The following NLRP14 variants were observed in gnomAD, a reference collection of about 807,000 sequenced individuals.
NLRP14 encodes the protein NLR family pyrin domain containing 14.
Under a neutral mutation model 94.7 loss-of-function variants are expected in NLRP14, and 105 were observed. The ratio of observed to expected loss-of-function variants is 1.11; its 90% confidence interval spans 0.95 to 1.30. The LOEUF (loss-of-function observed/expected upper bound fraction) is 1.30, where lower values mean the gene tolerates loss of function less well. NLRP14 is among the 50% of genes most tolerant of loss of function. NLRP14 has a pLI of 0.00. For missense variants in NLRP14, 1,362 were observed against 1,254.1 expected (o/e 1.09, Z -1.30); for synonymous variants, 508 against 459.9 (o/e 1.10, Z -1.34).
intron 1 of NLRP14, among the ~76,000 whole-genome samples, chr11:7,025,165 G>A (rs1391723214): frequency 1.3e-5 from 2 of 152,130 alleles, no homozygotes; most frequent in Admixed American, 6.5e-5. Flanking sequence ...TCTATACTGT[G>A]AGGGTAAAGA....
chr11:7,040,841 A>G (rs2119607631), intron 3 of NLRP14, among the ~76,000 whole-genome samples: 1 of 152,326 alleles, frequency 6.6e-6, no homozygotes, highest in Non-Finnish European at 1.5e-5. Flanking sequence ...TTCAATATAA[A>G]GAAGTATATC....
At chr11:7,076,988 G>C in the NLRP14 span, among the ~76,000 whole-genome samples, 3 of 152,334 alleles carry the variant, frequency 2.0e-5, no homozygotes, top group East Asian at 5.8e-4. Flanking sequence ...AGGTGATCTT[G>C]TTATCATGGG....
At chr11:7,089,100 C>T in the NLRP14 span, 1 of 1,609,064 alleles carries the variant, frequency 6.2e-7, no homozygotes, top group Non-Finnish European at 8.5e-7. Flanking sequence ...CCGCCACTGA[C>T]CGACCGTTCG....
rs1034376751 is a variant in NLRP14, at chr11:7,024,169, A to G, written c.-22+3399A>G. 1.1e-4 allele frequency among the ~76,000 whole-genome samples: 17 copies of G among 152,232 alleles called. No homozygotes were observed. In the East Asian group the frequency reaches 3.1e-3, roughly 28 times the overall value. On this transcript the variant is annotated intron_variant, in intron 1 of 11. Coordinates refer to ENST00000299481, the MANE Select transcript of NLRP14 (RefSeq NM_176822.4). The stretch of plus-strand genomic sequence containing the variant: ...GATGAAAAATACTAATCCACAGTGT[A>G]TAATTTCATTGTAACTCTCAAATGG...
chr11:7,053,235 A>T (rs962837829), intron 6 of NLRP14, among the ~76,000 whole-genome samples: 1 of 152,066 alleles, frequency 6.6e-6, no homozygotes, highest in African/African-American at 2.4e-5. Context: ...ATACCGTATT[A>T]CTTCAACATT....
At chr11:7,067,995 T>A (rs1448886599) in intron 10 of NLRP14, among the ~76,000 whole-genome samples, 1 of 152,138 alleles carries the variant, frequency 6.6e-6, no homozygotes, top group Non-Finnish European at 1.5e-5. Flanking sequence ...TTTCTCTTTC[T>A]CATAGGGTAC....
At chr11:7,033,574 C>T (rs1417356302) in intron 1 of NLRP14, among the ~76,000 whole-genome samples, 2 of 152,106 alleles carry the variant, frequency 1.3e-5, no homozygotes, top group African/African-American at 4.8e-5. Flanking sequence ...GGGTGGACAT[C>T]TTCAATTTTA....
intron 9 of NLRP14, among the ~76,000 whole-genome samples, chr11:7,061,727 T>G (rs982432700): frequency 2.6e-5 from 4 of 152,000 alleles, no homozygotes; most frequent in Admixed American, 1.3e-4. Context: ...TGATGAAGAT[T>G]CTGTTATGTG....
the NLRP14 span, among the ~76,000 whole-genome samples, chr11:7,086,001 A>T: frequency 0.031 from 4,717 of 152,296 alleles, 137 homozygotes; most frequent in East Asian, 0.13. Context: ...TACTGTTGCT[A>T]TGTGGGTGGG....
intron 6 of NLRP14, among the ~76,000 whole-genome samples, chr11:7,052,492 G>T (rs367585427): frequency 6.6e-6 from 1 of 152,134 alleles, no homozygotes; most frequent in African/African-American, 2.4e-5. Context: ...AACTAACTGG[G>T]CATGGTGATG....
downstream of NLRP14, among the ~76,000 whole-genome samples, chr11:7,073,072 T>C (rs1271619121): frequency 6.6e-6 from 1 of 152,190 alleles, no homozygotes; most frequent in Non-Finnish European, 1.5e-5. Context: ...CTTGTAGTCT[T>C]AGGGCCTCTC....
intron 1 of NLRP14, among the ~76,000 whole-genome samples, chr11:7,031,498 G>A (rs1037804584): frequency 9.5e-4 from 145 of 152,274 alleles, no homozygotes; most frequent in African/African-American, 3.3e-3. Flanking sequence ...AGTGTGGCCT[G>A]TATCCATTTG....
intron 1 of NLRP14, among the ~76,000 whole-genome samples, chr11:7,028,509 A>G (rs1480569547): frequency 6.6e-6 from 1 of 152,164 alleles, no homozygotes; most frequent in Non-Finnish European, 1.5e-5. Context: ...GATACTTCAT[A>G]TAGAACCAGG....
intron 1 of NLRP14, among the ~76,000 whole-genome samples, chr11:7,027,399 G>T (rs1226813723): frequency 6.6e-6 from 1 of 152,006 alleles, no homozygotes; most frequent in African/African-American, 2.4e-5. Flanking sequence ...CTGTCTTCTT[G>T]TAGAGTCCTC....
intron 1 of NLRP14, among the ~76,000 whole-genome samples, chr11:7,028,271 G>C (rs1463784118): frequency 6.6e-6 from 1 of 152,088 alleles, no homozygotes; most frequent in African/African-American, 2.4e-5. Context: ...CTTTCTTCCA[G>C]ATTCCCAAGT....
chr11:7,079,923 G>T, the NLRP14 span, among the ~76,000 whole-genome samples: 1 of 152,216 alleles, frequency 6.6e-6, no homozygotes, highest in African/African-American at 2.4e-5. Flanking sequence ...AGGAAGATCA[G>T]TGTCAGTGGG....
At chr11:7,058,528 C>A in intron 8 of NLRP14, 78 bp downstream of exon 8, 1 of 1,089,172 alleles carries the variant, frequency 9.2e-7, no homozygotes. Context: ...ATATTATGAA[C>A]ACATTCTGTC....
At position 7,057,692 on chromosome 11, in the gene NLRP14, C is replaced by T. The variant is rs1181123695; in HGVS notation, c.2307C>T (p.Asn769=). The T allele has an allele frequency of 6.2e-7, 1 of 1,612,512 alleles. No individual in the cohort carries two copies. The highest frequency in any genetic ancestry group is 1.1e-5 in the South Asian group (1 of 91,064). ...KLQTLRLESC[N]LTVFCCLNIS... ...TGTTTTCCAGGCTGGAATCTTGCAACCTAACTGTATTTTGTTGTCTAAATA... is the reference window on the plus strand; with the variant it reads ...TGTTTTCCAGGCTGGAATCTTGCAATCTAACTGTATTTTGTTGTCTAAATA... The change falls in exon 7 of 12, where the codon AAC becomes AAT. Residue 769 remains asparagine, a synonymous_variant. Transcript: ENST00000299481.
chr11:7,024,083 AAAGAT>A (rs2119543264), intron 1 of NLRP14, among the ~76,000 whole-genome samples: 1 of 152,334 alleles, frequency 6.6e-6, no homozygotes, highest in South Asian at 2.1e-4. Flanking sequence ...GAGTCTCAGA[AAAGAT>A]AAAATGAGCA....
Sources: gnomAD v4.1 joint callset for allele counts (sites outside exome capture counted in the v4.1 genomes callset) on GRCh38, gnomAD v4.1.1 for gene constraint, MANE v1.5 for transcripts, NCBI Gene and HGNC (gene_info 2026-07-23, HGNC 2026-07-21) for gene names.